Variants in NXN observed in about 807,000 individuals in gnomAD.
The protein encoded by NXN is nucleoredoxin 1.
NXN carries 16 observed loss-of-function variants against 48.6 expected under a neutral mutation model. The ratio of observed to expected loss-of-function variants is 0.33; its 90% CI spans 0.22 to 0.50. The LOEUF is 0.50. Ranked by LOEUF, NXN falls within the 20% of genes least tolerant of loss-of-function variation. The pLI is 0.98. For synonymous variants in NXN, 281 were observed against 269.6 expected (o/e 1.04, Z -0.41); for missense variants, 492 against 605.5 (o/e 0.81, Z 1.97).
intron 1 of NXN, among the ~76,000 whole-genome samples, chr17:853,116 C>T (rs2067942418): frequency 6.6e-6 from 1 of 151,884 alleles, no homozygotes; most frequent in Non-Finnish European, 1.5e-5. Context: ...TAGTTGGGAC[C>T]ACAGGCGCCC....
At chr17:953,383 C>G (rs1480368047) in intron 1 of NXN, among the ~76,000 whole-genome samples, 2 of 152,108 alleles carry the variant, frequency 1.3e-5, no homozygotes. Flanking sequence ...CCACTGCACT[C>G]CAGCCTGGGA....
intron 1 of NXN, among the ~76,000 whole-genome samples, chr17:868,480 GGTT>G (rs2068116357): frequency 6.7e-6 from 1 of 149,246 alleles, no homozygotes; most frequent in East Asian, 1.9e-4. Context: ...TTTTTTTTTT[GGTT>G]TTTTGTTTGT....
intron 1 of NXN, among the ~76,000 whole-genome samples, chr17:937,217 CG>C (rs1324596185): frequency 4.6e-5 from 7 of 151,994 alleles, no homozygotes; most frequent in African/African-American, 1.7e-4. Flanking sequence ...CTACTGAGCT[CG>C]GGTGATCCGC....
Position 958,365 on chromosome 17 carries a change from A to C in NXN, c.360+20954T>G, listed in dbSNP as rs1031791432. 1.3e-5 allele frequency among the ~76,000 whole-genome samples: 2 copies of C among 152,196 alleles called. No homozygotes were observed. Among genetic ancestry groups the C allele is most frequent in the South Asian group, 4.1e-4 (2 of 4,830 alleles). Reference sequence around the variant, plus strand: ...AGCAAAGCCTTCAAAAACTGGAAGCAGCAGGGCGCGGTGGCTCGCACCTGT... The same window carrying C: ...AGCAAAGCCTTCAAAAACTGGAAGCCGCAGGGCGCGGTGGCTCGCACCTGT... On this transcript the variant is annotated intron_variant, in intron 1 of 7. Coordinates refer to ENST00000336868, the MANE Select transcript of NXN (RefSeq NM_022463.5). This position sits in a 1 kb window ranked among gnomAD's most constrained non-coding sequence, Gnocchi z 6.9.
chr17:878,469 G>C (rs2068244327), intron 1 of NXN, among the ~76,000 whole-genome samples: 1 of 116,794 alleles, frequency 8.6e-6, no homozygotes, highest in African/African-American at 3.2e-5. Flanking sequence ...GGGGGACCTT[G>C]AAGGTGGGGT....
intron 1 of NXN, among the ~76,000 whole-genome samples, chr17:836,160 G>A (rs983390759): frequency 6.6e-6 from 1 of 151,780 alleles, no homozygotes; most frequent in Admixed American, 6.6e-5. Context: ...AGCCCCCACA[G>A]AGGCCGCAGG....
chr17:862,583 C>T (rs1471987227), intron 1 of NXN, among the ~76,000 whole-genome samples: 2 of 152,218 alleles, frequency 1.3e-5, no homozygotes, highest in Admixed American at 1.3e-4. Context: ...TGTGAAGCCA[C>T]TGGGTAACAA....
chr17:807,137 G>T (rs1209325760), intron 5 of NXN, among the ~76,000 whole-genome samples: 1 of 152,180 alleles, frequency 6.6e-6, no homozygotes, highest in Non-Finnish European at 1.5e-5. Flanking sequence ...TGAGGCTCGG[G>T]GGCTGGTCTC....
chr17:930,091 G>A (rs571468800), intron 1 of NXN: 1 of 152,240 alleles, frequency 6.6e-6, no homozygotes, highest in African/African-American at 2.4e-5. Flanking sequence ...CCTGTGTCTG[G>A]AATGGAGGAG....
chr17:802,192 G>T (rs547154399), intron 7 of NXN, among the ~76,000 whole-genome samples: 2 of 152,076 alleles, frequency 1.3e-5, no homozygotes, highest in African/African-American at 4.8e-5. Context: ...CGCAGTCATA[G>T]CTCACTGCAG....
At chr17:939,437 G>A (rs1255886765) in intron 1 of NXN, among the ~76,000 whole-genome samples, 1 of 147,808 alleles carries the variant, frequency 6.8e-6, no homozygotes, top group Non-Finnish European at 1.5e-5. Context: ...TCTCTGCCTC[G>A]CAGGTTCAAG....
At chr17:947,762 G>T (rs1346389460) in intron 1 of NXN, among the ~76,000 whole-genome samples, 2 of 149,318 alleles carry the variant, frequency 1.3e-5, no homozygotes, top group African/African-American at 4.9e-5. Context: ...AAAGGGCCAG[G>T]CATGGTGGCT....
intron 1 of NXN, among the ~76,000 whole-genome samples, chr17:878,985 C>G (rs1255753219): frequency 6.6e-6 from 1 of 151,842 alleles, no homozygotes; most frequent in Non-Finnish European, 1.5e-5. Context: ...ACCAACATGG[C>G]GAAACCCTCT....
chr17:819,263 T>G, intron 5 of NXN, 176 bp downstream of exon 5: 1 of 650,536 alleles, frequency 1.5e-6, no homozygotes, highest in Non-Finnish European at 2.8e-6. Flanking sequence ...ACTTATTTTT[T>G]AAAAATGGCT....
chr17:809,085 G>A (rs1165500290), intron 5 of NXN, among the ~76,000 whole-genome samples: 1 of 152,190 alleles, frequency 6.6e-6, no homozygotes, highest in Non-Finnish European at 1.5e-5. Flanking sequence ...CTCCGTGATG[G>A]GCTGGAAGAA....
chr17:865,404 G>A (rs952914174), intron 1 of NXN, among the ~76,000 whole-genome samples: 3 of 151,840 alleles, frequency 2.0e-5, no homozygotes, highest in African/African-American at 7.3e-5. Context: ...CACCACGCCC[G>A]GCTGATTTTG....
chr17:972,858 C>T (rs976618142), intron 1 of NXN, among the ~76,000 whole-genome samples: 2 of 151,932 alleles, frequency 1.3e-5, no homozygotes, highest in East Asian at 1.9e-4. Context: ...GGTGAAACCC[C>T]GTCTCTACTA....
chr17:953,892 T>C (rs55643242), intron 1 of NXN, among the ~76,000 whole-genome samples: 6,073 of 152,160 alleles, frequency 0.04, 152 homozygotes, highest in Admixed American at 0.056. Flanking sequence ...GCCATGACCG[T>C]GCCACTGCAC....
intron 1 of NXN, among the ~76,000 whole-genome samples, chr17:964,501 A>G (rs1182907052): frequency 1.3e-5 from 2 of 152,234 alleles, no homozygotes; most frequent in Non-Finnish European, 2.9e-5. Context: ...TCTTAAGAAC[A>G]TTTGTAAAAA....
Sources: allele counts gnomAD v4.1 joint callset (sites outside exome capture counted in the v4.1 genomes callset), GRCh38; gene constraint gnomAD v4.1.1; non-coding constraint Gnocchi (gnomAD v3.1); transcripts MANE v1.5; gene names NCBI Gene and HGNC (gene_info 2026-07-23, HGNC 2026-07-21).